RHOJ: variants seen among roughly 807,000 people sequenced by gnomAD.
The protein encoded by RHOJ is rho-related GTP-binding protein RhoJ.
Under a neutral mutation model 23.4 loss-of-function variants are expected in RHOJ, and 11 were observed. The observed-to-expected ratio is 0.47, with a 90% CI of 0.30 to 0.78. RHOJ has a LOEUF of 0.78. Ranked by LOEUF, RHOJ falls within the 30% of genes least tolerant of loss-of-function variation. The pLI is 0.08. For synonymous variants in RHOJ, 102 were observed against 102.7 expected, an observed-to-expected ratio of 0.99 and a Z score of 0.04; for missense variants, 254 against 273.4, an observed-to-expected ratio of 0.93 and a Z score of 0.50.
chr14:63,225,714 G>A (rs1237051457), intron 1 of RHOJ, among the ~76,000 whole-genome samples: 1 of 152,214 alleles, frequency 6.6e-6, no homozygotes, highest in Admixed American at 6.5e-5. Flanking sequence ...AGAGACAACA[G>A]TGGGAAGTAG....
intron 1 of RHOJ, among the ~76,000 whole-genome samples, chr14:63,244,930 G>A (rs557174592): frequency 3.2e-4 from 49 of 152,176 alleles, no homozygotes; most frequent in Non-Finnish European, 4.6e-4. Flanking sequence ...GTGTACACAC[G>A]TGTGTTCACA....
intron 1 of RHOJ, among the ~76,000 whole-genome samples, chr14:63,226,381 A>G (rs1476426856): frequency 6.6e-6 from 1 of 152,066 alleles, no homozygotes; most frequent in Non-Finnish European, 1.5e-5. Context: ...AATTAGAAGG[A>G]AATATAAAGC....
intron 1 of RHOJ, among the ~76,000 whole-genome samples, chr14:63,219,134 G>T (rs918307810): frequency 6.6e-6 from 1 of 152,120 alleles, no homozygotes; most frequent in Admixed American, 6.5e-5. Context: ...ATGAGGAAGA[G>T]AATTATATTT....
chr14:63,288,769 T>G (rs561154078), intron 4 of RHOJ, among the ~76,000 whole-genome samples: 3 of 152,230 alleles, frequency 2.0e-5, no homozygotes, highest in Non-Finnish European at 2.9e-5. Context: ...TAACCATTCT[T>G]GTCAGGAAAA....
intron 1 of RHOJ, among the ~76,000 whole-genome samples, chr14:63,221,281 G>A (rs1210972216): frequency 6.6e-6 from 1 of 152,156 alleles, no homozygotes; most frequent in Non-Finnish European, 1.5e-5. Flanking sequence ...AATGAGCCAT[G>A]ATCCAGCCAC....
At chr14:63,286,318 A>G (rs1447347454) in intron 4 of RHOJ, among the ~76,000 whole-genome samples, 1 of 152,224 alleles carries the variant, frequency 6.6e-6, no homozygotes, top group Admixed American at 6.5e-5. Context: ...CATCTGGGCA[A>G]TGTACCAGGT....
chr14:63,284,222 C>T (rs1304177654), intron 4 of RHOJ: 1 of 985,018 alleles, frequency 1.0e-6, no homozygotes, highest in African/African-American at 1.7e-5. Flanking sequence ...TAAAACTAAG[C>T]ATGATACACT....
At chr14:63,215,214 CT>C (rs1894328534) in intron 1 of RHOJ, among the ~76,000 whole-genome samples, 1 of 152,156 alleles carries the variant, frequency 6.6e-6, no homozygotes, top group African/African-American at 2.4e-5. Context: ...AAGACCTCTA[CT>C]TAGGTCTTCC....
rs186681014 is a variant in RHOJ, at chr14:63,220,645, G to A, written c.178+15598G>A. On this transcript the variant is annotated intron_variant, in intron 1 of 4. Transcript: ENST00000316754. Reference sequence around the variant, plus strand: ...TTGGCCAGGAGATGTGCTTTTGAAAGAAAGATCTGCCTGGAATCCTGTTCT... The same window carrying A: ...TTGGCCAGGAGATGTGCTTTTGAAAAAAAGATCTGCCTGGAATCCTGTTCT... Among the ~76,000 whole-genome samples, 293 of 152,212 alleles carry A rather than the reference G, an allele frequency of 1.9e-3. 1 individual carries two copies. Among genetic ancestry groups the A allele is most frequent in the African/African-American group, 6.8e-3 (283 of 41,524 alleles).
chr14:63,225,165 A>G (rs1894568788), intron 1 of RHOJ, among the ~76,000 whole-genome samples: 1 of 152,030 alleles, frequency 6.6e-6, no homozygotes, highest in Admixed American at 6.6e-5. Flanking sequence ...GTTAGCCAGG[A>G]TGGTCTCAAT....
Position 63,269,080 on chromosome 14 carries a change from CCTCTT to C in RHOJ, c.179-27_179-23del, listed in dbSNP as rs764127047. 1.4e-5 allele frequency: 21 copies of C among 1,546,908 alleles called. No homozygotes were observed. In the Middle Eastern group the frequency reaches 5.1e-4, roughly 37 times the overall value. ...ATTGAAGCTTGTGTTTATGGACTCT[CCTCTT>C]CTTTTCTTTTCTCTTCTCCCCTAGT... On this transcript the variant is annotated intron_variant, in intron 1 of 4. Transcript: ENST00000316754.
chr14:63,262,024 T>C (rs1431428754), intron 1 of RHOJ, among the ~76,000 whole-genome samples: 4 of 152,182 alleles, frequency 2.6e-5, no homozygotes, highest in African/African-American at 9.7e-5. Context: ...GACACAATAA[T>C]GCAGATAGCT....
intron 4 of RHOJ, among the ~76,000 whole-genome samples, chr14:63,287,449 T>C (rs992403520): frequency 4.6e-5 from 7 of 152,352 alleles, no homozygotes; most frequent in Admixed American, 2.6e-4. Context: ...GTTAAATCCA[T>C]GAGCCCTCTC....
intron 1 of RHOJ, among the ~76,000 whole-genome samples, chr14:63,206,425 G>T (rs978931732): frequency 6.6e-6 from 1 of 152,128 alleles, no homozygotes; most frequent in African/African-American, 2.4e-5. Flanking sequence ...ATAAAATTTG[G>T]GGGTCTGCGC....
chr14:63,248,621 C>G (rs1186514146), intron 1 of RHOJ, among the ~76,000 whole-genome samples: 4 of 152,158 alleles, frequency 2.6e-5, no homozygotes, highest in Non-Finnish European at 5.9e-5. Flanking sequence ...ATTTATATTT[C>G]CTAACATTGC....
At chr14:63,236,542 A>C (rs1001364961) in intron 1 of RHOJ, among the ~76,000 whole-genome samples, 2 of 152,148 alleles carry the variant, frequency 1.3e-5, no homozygotes, top group African/African-American at 2.4e-5. Flanking sequence ...GACTCATTCA[A>C]CACCACAAGA....
At chr14:63,278,957 G>A (rs1399525087) in intron 2 of RHOJ, among the ~76,000 whole-genome samples, 1 of 152,178 alleles carries the variant, frequency 6.6e-6, no homozygotes, top group Non-Finnish European at 1.5e-5. Flanking sequence ...TTGCACTCCA[G>A]CCTGGGCAAT....
At chr14:63,277,647 A>G (rs1400021684) in intron 2 of RHOJ, among the ~76,000 whole-genome samples, 1 of 152,166 alleles carries the variant, frequency 6.6e-6, no homozygotes, top group Non-Finnish European at 1.5e-5. Context: ...TTTATTGAAT[A>G]TTTACTGCGG....
intron 1 of RHOJ, among the ~76,000 whole-genome samples, chr14:63,261,581 A>G (rs1227605219): frequency 1.4e-5 from 2 of 146,716 alleles, no homozygotes. Context: ...CTTGATACAC[A>G]CCACCATGCC....
Sources: gnomAD v4.1 joint callset for allele counts (sites outside exome capture counted in the v4.1 genomes callset) on GRCh38, gnomAD v4.1.1 for gene constraint, MANE v1.5 for transcripts, NCBI Gene and HGNC (gene_info 2026-07-23, HGNC 2026-07-21) for gene names.